The following KCNT2 variants were observed in gnomAD, a reference collection of about 807,000 sequenced individuals.
The protein encoded by KCNT2 is potassium sodium-activated channel subfamily T member 2.
KCNT2 carries 67 observed loss-of-function variants against 153.8 expected under a neutral mutation model. The ratio of observed to expected loss-of-function variants is 0.44; its 90% CI spans 0.36 to 0.53. The LOEUF (loss-of-function observed/expected upper bound fraction) is 0.53. KCNT2 is among the 20% of genes least tolerant of loss of function. The pLI is 0.00. For missense variants in KCNT2, 975 were observed against 1,354.8 expected (o/e 0.72, Z 4.40); for synonymous variants, 500 against 458.8 (o/e 1.09, Z -1.15).
At chr1:196,365,277 G>A (rs1055463854) in intron 14 of KCNT2, among the ~76,000 whole-genome samples, 2 of 151,384 alleles carry the variant, frequency 1.3e-5, no homozygotes, top group African/African-American at 4.9e-5. Context: ...CTTATTTAAG[G>A]CCTCTTCAAT....
intron 23 of KCNT2, among the ~76,000 whole-genome samples, chr1:196,284,605 C>G (rs1038052517): frequency 6.6e-6 from 1 of 151,664 alleles, no homozygotes; most frequent in Non-Finnish European, 1.5e-5. Context: ...GCAATTTAAT[C>G]TCTTTAAGAG....
chr1:196,268,464 T>A (rs1458974588), intron 25 of KCNT2, among the ~76,000 whole-genome samples: 2 of 152,076 alleles, frequency 1.3e-5, no homozygotes, highest in African/African-American at 4.8e-5. Context: ...ATAACTTTCA[T>A]CTCCCTACTA....
rs1175368243 is a variant in KCNT2 at position 196,588,318 on chromosome 1, AATGCC to A, written c.95+19892_95+19896del. Among the ~76,000 whole-genome samples, 4 of 152,026 alleles carry A rather than the reference AATGCC, an allele frequency of 2.6e-5. No individual in the cohort carries two copies. The South Asian group carries it at 8.3e-4, about 31-fold the overall frequency. The stretch of plus-strand genomic sequence containing the variant: ...CATTTAAAGCAAAAGCTGTTGCCCT[AATGCC>A]CCAGGTGCAGTACACAACAAATGTG... On this transcript the variant is annotated intron_variant, in intron 1 of 27. Transcript: ENST00000294725.
intron 8 of KCNT2, among the ~76,000 whole-genome samples, chr1:196,454,535 A>G (rs1297038813): frequency 6.6e-6 from 1 of 151,934 alleles, no homozygotes; most frequent in Admixed American, 6.6e-5. Flanking sequence ...TGTTGCTGCA[A>G]AAGACATGAC....
In KCNT2 at chr1:196,608,405, A is replaced by C. The variant is rs940857615; in HGVS notation, c.-96T>G. ...GGAGTACAGGGAGAGGACTAACAAGACGCTGTGGCCGAGAGAGGGATGGGA... is the reference window on the plus strand; with the variant it reads ...GGAGTACAGGGAGAGGACTAACAAGCCGCTGTGGCCGAGAGAGGGATGGGA... On this transcript the variant is annotated 5_prime_UTR_variant, in exon 1 of 28. Coordinates refer to ENST00000294725, the MANE Select transcript of KCNT2 (RefSeq NM_198503.5). The C allele has an allele frequency of 3.2e-5, 27 of 836,000 alleles. No individual in the cohort carries two copies. The highest frequency in any genetic ancestry group is 6.3e-5 in the East Asian group (2 of 31,684). 51.8% of individuals were successfully genotyped at this position (836,000 alleles called of 1,614,324 possible).
intron 1 of KCNT2, among the ~76,000 whole-genome samples, chr1:196,579,759 C>T (rs778747785): frequency 6.6e-5 from 10 of 151,946 alleles, no homozygotes; most frequent in African/African-American, 9.7e-5. Context: ...TCCAAAAGTG[C>T]GGCGATTATG....
At chr1:196,449,979 G>C (rs1440123369) in intron 8 of KCNT2, among the ~76,000 whole-genome samples, 1 of 151,718 alleles carries the variant, frequency 6.6e-6, no homozygotes, top group Non-Finnish European at 1.5e-5. Context: ...GTTTAAAATA[G>C]ACAACCATCT....
At chr1:196,566,695 G>C (rs969385619) in intron 1 of KCNT2, among the ~76,000 whole-genome samples, 4 of 152,032 alleles carry the variant, frequency 2.6e-5, no homozygotes, top group African/African-American at 9.7e-5. Context: ...CTAGTACCAA[G>C]TAACAAAGTT....
In KCNT2 at chr1:196,258,199, C is replaced by T. The variant is rs751522470; in HGVS notation, c.3206G>A (p.Gly1069Glu). 1 of 1,613,358 alleles carries T rather than the reference C, an allele frequency of 6.2e-7. No homozygotes were observed. Among genetic ancestry groups the T allele is most frequent in the African/African-American group, 1.3e-5 (1 of 74,906 alleles). Reference sequence around the variant, plus strand: ...GTAGTTTTTAAAGAGCATACCATATCCCACTGTAGAAAGACCCAAGTGTTT... The same window carrying T: ...GTAGTTTTTAAAGAGCATACCATATTCCACTGTAGAAAGACCCAAGTGTTT... The part of the protein sequence containing the change: ...RMKHLGLSTV[G>E]YDEMNDHQST... The change falls in exon 26 of 28, where the codon GGA (glycine) becomes GAA (glutamate). Residue 1069 changes from glycine to glutamate, a missense_variant. Coordinates refer to ENST00000294725, the MANE Select transcript of KCNT2 (RefSeq NM_198503.5).
At chr1:196,525,402 C>A (rs1324975674) in intron 1 of KCNT2, among the ~76,000 whole-genome samples, 1 of 152,058 alleles carries the variant, frequency 6.6e-6, no homozygotes, top group Non-Finnish European at 1.5e-5. Flanking sequence ...TGTTTAATAG[C>A]TCTTACATGT....
In KCNT2 at chr1:196,264,879, T is replaced by C. The variant is rs548637457; in HGVS notation, c.2911-6385A>G. Among the ~76,000 whole-genome samples the C allele has an allele frequency of 4.6e-5, 7 of 152,174 alleles. No individual in the cohort carries two copies. In the South Asian group the frequency reaches 1.2e-3, roughly 27 times the overall value. Reference sequence around the variant, plus strand: ...CTCCTGAGCTCAAGCTATCCTCCCATGTCAACCTCTCAAAGTGCTGGGATT... The same window carrying C: ...CTCCTGAGCTCAAGCTATCCTCCCACGTCAACCTCTCAAAGTGCTGGGATT... On this transcript the variant is annotated intron_variant, in intron 25 of 27. Transcript: ENST00000294725.
At chr1:196,230,397 C>G (rs558132326) in intron 27 of KCNT2, among the ~76,000 whole-genome samples, 1 of 151,934 alleles carries the variant, frequency 6.6e-6, no homozygotes, top group Non-Finnish European at 1.5e-5. Flanking sequence ...AAAAAAAAGA[C>G]TTCAAAATAT....
chr1:196,324,485 T>C (rs562417641), intron 19 of KCNT2, among the ~76,000 whole-genome samples: 46 of 152,170 alleles, frequency 3.0e-4, no homozygotes, highest in African/African-American at 1.1e-3. Context: ...TTTCAGTTTA[T>C]TTAAATGTTT....
intron 1 of KCNT2, among the ~76,000 whole-genome samples, chr1:196,586,172 G>A (rs1427893544): frequency 6.6e-6 from 1 of 152,120 alleles, no homozygotes; most frequent in East Asian, 1.9e-4. Context: ...GCTGAGACAG[G>A]AGGATCACTT....
At chr1:196,432,614 T>C (rs1292502982) in intron 8 of KCNT2, among the ~76,000 whole-genome samples, 1 of 152,124 alleles carries the variant, frequency 6.6e-6, no homozygotes, top group African/African-American at 2.4e-5. Flanking sequence ...CTATTACCCA[T>C]TTCTTCTTGC....
chr1:196,249,064 A>G (rs1655704627), intron 26 of KCNT2, among the ~76,000 whole-genome samples: 1 of 152,256 alleles, frequency 6.6e-6, no homozygotes, highest in Middle Eastern at 3.4e-3. Flanking sequence ...TGATCATTTC[A>G]ATTGGTGCTA....
At chr1:196,513,176 C>T (rs749523558) in intron 1 of KCNT2, among the ~76,000 whole-genome samples, 45 of 152,278 alleles carry the variant, frequency 3.0e-4, no homozygotes, top group Non-Finnish European at 5.4e-4. Context: ...TTCGATTAAA[C>T]CTCAAGCTCC....
chr1:196,576,860 T>C (rs553688021), intron 1 of KCNT2, among the ~76,000 whole-genome samples: 17 of 152,290 alleles, frequency 1.1e-4, no homozygotes, highest in African/African-American at 4.1e-4. Flanking sequence ...TTTCCTCTTC[T>C]ATCTTGCCTA....
chr1:196,231,610 A>C (rs1007786587), intron 27 of KCNT2, among the ~76,000 whole-genome samples: 4 of 151,996 alleles, frequency 2.6e-5, no homozygotes, highest in African/African-American at 7.2e-5. Flanking sequence ...TTGCCTCTCC[A>C]GGCTTCAGAG....
Sources: allele counts gnomAD v4.1 joint callset (sites outside exome capture counted in the v4.1 genomes callset), GRCh38; gene constraint gnomAD v4.1.1; transcripts MANE v1.5; gene names NCBI Gene and HGNC (gene_info 2026-07-23, HGNC 2026-07-21).